Variants in MCUB observed in about 807,000 individuals in gnomAD.
MCUB encodes mitochondrial calcium uniporter dominant negative subunit beta.
In MCUB, 46 loss-of-function variants were observed where a neutral mutation model predicts 41.4. The ratio of observed to expected loss-of-function variants is 1.11; its 90% confidence interval spans 0.88 to 1.42. MCUB has a LOEUF of 1.42. Among genes scored for constraint, MCUB ranks in the 40% most tolerant of loss-of-function variants. The pLI, the probability that MCUB is intolerant of heterozygous loss-of-function variation, is 0.00. For synonymous variants in MCUB, 148 were observed against 148.2 expected, an observed-to-expected ratio of 1.00 and a Z score of 0.01; for missense variants, 403 against 404.9, an observed-to-expected ratio of 1.00 and a Z score of 0.04.
chr4:109,678,130 G>T (rs1467808940), intron 4 of MCUB, among the ~76,000 whole-genome samples: 1 of 151,968 alleles, frequency 6.6e-6, no homozygotes, highest in Non-Finnish European at 1.5e-5. Flanking sequence ...GCACGGGGTT[G>T]GGGGTAAGGT....
chr4:109,586,925 TGAG>T (rs1488732174), intron 1 of MCUB, among the ~76,000 whole-genome samples: 1 of 152,148 alleles, frequency 6.6e-6, no homozygotes, highest in Admixed American at 6.5e-5. Flanking sequence ...GGGACCCACT[TGAG>T]GAGGCAGTCT....
At chr4:109,654,306 A>G (rs1729027766) in intron 1 of MCUB, among the ~76,000 whole-genome samples, 1 of 152,126 alleles carries the variant, frequency 6.6e-6, no homozygotes, top group Non-Finnish European at 1.5e-5. Flanking sequence ...TGGATGTTAT[A>G]GTGATACTTA....
At position 109,577,641 on chromosome 4, in the gene MCUB, G is replaced by A. The variant is rs1427877750; in HGVS notation, c.99+17205G>A. 1.9e-4 allele frequency among the ~76,000 whole-genome samples: 4 copies of A among 20,692 alleles called. 1 individual carries two copies. Among genetic ancestry groups the A allele is most frequent in the Non-Finnish European group, 2.8e-4 (3 of 10,562 alleles). 13.6% of individuals were successfully genotyped at this position (20,692 alleles called of 152,430 possible). A position where few individuals can be genotyped will look rare whatever the true frequency, so the allele number is the denominator to read the frequency against. ...TTTTTTTTTTTTGAGATGGAGTCTC[G>A]CTCTGTCGCCCAGACTGGAGTGCAG... is the stretch of plus-strand genomic sequence containing the variant. On this transcript the variant is annotated intron_variant, in intron 1 of 7. Coordinates refer to ENST00000394650, the MANE Select transcript of MCUB (RefSeq NM_017918.5).
intron 1 of MCUB, among the ~76,000 whole-genome samples, chr4:109,637,494 G>A (rs2126139533): frequency 6.6e-6 from 1 of 152,278 alleles, no homozygotes; most frequent in Non-Finnish European, 1.5e-5. Context: ...TATGGAACCA[G>A]CCCAAATGCC....
At chr4:109,683,455 C>T (rs2126152526) in intron 5 of MCUB, among the ~76,000 whole-genome samples, 1 of 152,170 alleles carries the variant, frequency 6.6e-6, no homozygotes, top group Non-Finnish European at 1.5e-5. Context: ...TTTTTCTTTA[C>T]TTGTAATATA....
Position 109,560,352 on chromosome 4 carries a change from C to G in MCUB, c.15C>G (p.Gly5=), listed in dbSNP as rs1461779262. The change falls in exon 1 of 8, where the codon GGC becomes GGG. Residue 5 remains glycine (G), a synonymous_variant. Coordinates refer to ENST00000394650, the MANE Select transcript of MCUB (RefSeq NM_017918.5). MLQR[G]LWPWRTRLLP... ...GGGGCGGGAGGATGCTCCAGAGGGG[C>G]CTCTGGCCGTGGCGCACGCGGCTGC... is the stretch of plus-strand genomic sequence containing the variant. 7.6e-7 allele frequency: 1 copy of G among 1,313,090 alleles called. No homozygotes were observed. The highest frequency in any genetic ancestry group is 9.7e-7 in the Non-Finnish European group (1 of 1,031,648). The allele number at this position is 1,313,090 out of a possible 1,614,324, so 81.3% of individuals were successfully genotyped here.
intron 1 of MCUB, among the ~76,000 whole-genome samples, chr4:109,608,872 A>G (rs1203232534): frequency 6.6e-6 from 1 of 152,088 alleles, no homozygotes; most frequent in Non-Finnish European, 1.5e-5. Context: ...AAGATTTCCA[A>G]ATATTTAAAG....
chr4:109,614,883 C>G (rs560287840), intron 1 of MCUB, among the ~76,000 whole-genome samples: 6 of 152,178 alleles, frequency 3.9e-5, no homozygotes, highest in African/African-American at 1.4e-4. Context: ...TCATAGTAGT[C>G]GCTTCTCTGG....
intron 1 of MCUB, among the ~76,000 whole-genome samples, chr4:109,606,033 G>A: frequency 6.6e-6 from 1 of 152,066 alleles, no homozygotes; most frequent in Non-Finnish European, 1.5e-5. Flanking sequence ...GGAGTGCAGT[G>A]GTGCGATCTC....
chr4:109,605,323 G>A (rs757844682), intron 1 of MCUB, among the ~76,000 whole-genome samples: 3 of 152,090 alleles, frequency 2.0e-5, no homozygotes, highest in South Asian at 4.1e-4. Context: ...TATTGTACAC[G>A]TGTTTGTATA....
chr4:109,630,293 C>T (rs554537117), intron 1 of MCUB, among the ~76,000 whole-genome samples: 1 of 152,118 alleles, frequency 6.6e-6, no homozygotes, highest in Non-Finnish European at 1.5e-5. Context: ...TACCTTGTCT[C>T]TGAAAAAATA....
intron 1 of MCUB, among the ~76,000 whole-genome samples, chr4:109,614,294 A>G (rs943015765): frequency 6.6e-6 from 1 of 152,132 alleles, no homozygotes; most frequent in Non-Finnish European, 1.5e-5. Context: ...CCCATGCTGT[A>G]GGATTGAGTG....
chr4:109,605,187 T>C (rs1473094580), intron 1 of MCUB, among the ~76,000 whole-genome samples: 1 of 152,200 alleles, frequency 6.6e-6, no homozygotes, highest in Non-Finnish European at 1.5e-5. Flanking sequence ...CTATTACAGC[T>C]TCAATCATGT....
intron 1 of MCUB, among the ~76,000 whole-genome samples, chr4:109,612,266 T>TTC (rs1554017529): frequency 5.6e-5 from 8 of 144,130 alleles, no homozygotes; most frequent in East Asian, 2.0e-4. Context: ...TCCTTTTCTT[T>TTC]TTTTTTTTTT....
intron 1 of MCUB, among the ~76,000 whole-genome samples, chr4:109,587,300 C>G (rs927559117): frequency 3.3e-5 from 5 of 152,246 alleles, no homozygotes; most frequent in African/African-American, 4.8e-5. Flanking sequence ...GTGCCATTTG[C>G]TAAGACTGTT....
chr4:109,634,911 G>A (rs1426054702), intron 1 of MCUB, among the ~76,000 whole-genome samples: 3 of 152,054 alleles, frequency 2.0e-5, no homozygotes, highest in Admixed American at 6.5e-5. Context: ...CCATCAACCC[G>A]TCATCTACAT....
Position 109,572,380 on chromosome 4 carries a change from T to G in MCUB, c.99+11944T>G, listed in dbSNP as rs189806265. Among the ~76,000 whole-genome samples the G allele has an allele frequency of 2.4e-3, 369 of 152,346 alleles. 1 individual carries two copies. Among genetic ancestry groups the G allele is most frequent in the African/African-American group, 8.3e-3 (345 of 41,588 alleles). On this transcript the variant is annotated intron_variant, in intron 1 of 7. Coordinates refer to ENST00000394650, the MANE Select transcript of MCUB (RefSeq NM_017918.5). ...GATATGGTTTTAGGGAGGACTTACT[T>G]TAGAGGAATTCTGGTGATTAATAGC...
chr4:109,629,185 G>T (rs1371296205), intron 1 of MCUB, among the ~76,000 whole-genome samples: 5 of 151,902 alleles, frequency 3.3e-5, no homozygotes, highest in Non-Finnish European at 1.5e-5. Context: ...CACCCAGGCT[G>T]GAGTGCAGTG....
At chr4:109,596,536 T>G (rs916041551) in intron 1 of MCUB, among the ~76,000 whole-genome samples, 2 of 151,984 alleles carry the variant, frequency 1.3e-5, no homozygotes, top group African/African-American at 4.8e-5. Flanking sequence ...AATGTGGAAC[T>G]GCAGTTGCCA....
Sources: allele counts gnomAD v4.1 joint callset (sites outside exome capture counted in the v4.1 genomes callset), GRCh38; gene constraint gnomAD v4.1.1; transcripts MANE v1.5; gene names NCBI Gene and HGNC (gene_info 2026-07-23, HGNC 2026-07-21).